The following PLAC1 variants were observed in gnomAD, a reference collection of about 807,000 sequenced individuals.
PLAC1 encodes placenta associated 1, also known as placenta-specific protein 1.
For synonymous variants in PLAC1, 68 were observed against 62.1 expected, an observed-to-expected ratio of 1.09 and a Z score of -0.44; for missense variants, 136 against 163.2, an observed-to-expected ratio of 0.83 and a Z score of 0.91.
intron 1 of PLAC1, among the ~76,000 whole-genome samples, chrX:134,760,509 A>G (rs1484911452): frequency 9.0e-6 from 1 of 111,685 alleles, no homozygotes; most frequent in Non-Finnish European, 1.9e-5. Flanking sequence ...CAGCATTGTT[A>G]GATAATAGCA....
In PLAC1 at chrX:134,763,886, G is replaced by A. The variant is rs778375235; in HGVS notation, n.89+348C>T. Among the ~76,000 whole-genome samples the A allele has an allele frequency of 5.5e-5, 6 of 109,328 alleles. No individual in the cohort carries two copies. The South Asian group carries it at 1.6e-3, about 29-fold the overall frequency. The allele number at this position is 109,328 out of a possible 115,157, so 94.9% of individuals were successfully genotyped here. On this transcript the variant is annotated intron_variant and non_coding_transcript_variant, in intron 1 of 2. Transcript: ENST00000466797. Reference sequence around the variant, plus strand: ...AGAAAAGAAAAGGGAAAGGAAAAGCGCAGAATCCCAAAAAAGAGGAAATCT... The same window carrying A: ...AGAAAAGAAAAGGGAAAGGAAAAGCACAGAATCCCAAAAAAGAGGAAATCT...
intron 1 of PLAC1, among the ~76,000 whole-genome samples, chrX:134,747,876 A>G (rs1446197190): frequency 8.9e-6 from 1 of 111,947 alleles, no homozygotes; most frequent in Non-Finnish European, 1.9e-5. Flanking sequence ...GCCCTGTGAG[A>G]AAGCCAGTTT....
At chrX:134,616,197 G>A (rs989993463) in intron 1 of PLAC1, among the ~76,000 whole-genome samples, 1 of 111,016 alleles carries the variant, frequency 9.0e-6, no homozygotes, top group African/African-American at 3.3e-5. Flanking sequence ...TCTGAGGCTG[G>A]TTTCAAACTT....
chrX:134,711,878 A>G (rs758730390), intron 2 of PLAC1, among the ~76,000 whole-genome samples: 20 of 111,401 alleles, frequency 1.8e-4, no homozygotes, highest in Non-Finnish European at 3.6e-4. Context: ...CTGAGGTCGC[A>G]TCTACACACA....
At chrX:134,679,309 T>C (rs1302429705) in intron 2 of PLAC1, among the ~76,000 whole-genome samples, 1 of 110,647 alleles carries the variant, frequency 9.0e-6, no homozygotes, top group Non-Finnish European at 1.9e-5. Flanking sequence ...GAGTAGGCCG[T>C]GGATATATAA....
rs746077071 is a variant in PLAC1 at position 134,719,492 on chromosome X, T to C, written n.174+13943A>G. Among the ~76,000 whole-genome samples the C allele has an allele frequency of 4.5e-5, 5 of 111,760 alleles. No individual in the cohort carries two copies. In the South Asian group the frequency reaches 1.5e-3, roughly 34 times the overall value. On this transcript the variant is annotated intron_variant and non_coding_transcript_variant, in intron 2 of 2. Coordinates refer to the PLAC1 transcript ENST00000466797. ...ATTCCTTCATGATAAAAGCACTCAGTAGGCCAGGCGAGGTGTAATCCCAGC... is the reference window on the plus strand; with the variant it reads ...ATTCCTTCATGATAAAAGCACTCAGCAGGCCAGGCGAGGTGTAATCCCAGC...
chrX:134,693,422 C>T (rs1249019670), intron 2 of PLAC1, among the ~76,000 whole-genome samples: 1 of 112,246 alleles, frequency 8.9e-6, no homozygotes, highest in Non-Finnish European at 1.9e-5. Context: ...TTTATGCTAC[C>T]AGGCATTAGA....
chrX:134,657,249 C>T (rs1239566142), intron 1 of PLAC1, among the ~76,000 whole-genome samples: 2 of 112,160 alleles, frequency 1.8e-5, no homozygotes, highest in Non-Finnish European at 3.8e-5. Context: ...GGGCTATGTC[C>T]CGATAAAACC....
intron 2 of PLAC1, among the ~76,000 whole-genome samples, chrX:134,729,953 G>A (rs372528827): frequency 9.1e-5 from 10 of 110,202 alleles, no homozygotes; most frequent in East Asian, 8.6e-4. Flanking sequence ...CACCACACCC[G>A]GCTAACTTTG....
intron 1 of PLAC1, among the ~76,000 whole-genome samples, chrX:134,650,180 C>T (rs769653228): frequency 1.7e-4 from 19 of 112,283 alleles, no homozygotes; most frequent in Middle Eastern, 9.2e-3. Flanking sequence ...ACTCAATTTT[C>T]CCTGGGTCTT....
intron 2 of PLAC1, among the ~76,000 whole-genome samples, chrX:134,573,870 A>G (rs1197410740): frequency 1.8e-5 from 2 of 111,419 alleles, no homozygotes; most frequent in African/African-American, 6.5e-5. Context: ...TGTGTATAAC[A>G]TCCTGACTGA....
In PLAC1 at chrX:134,603,430, C is replaced by T. The variant is rs186142713; in HGVS notation, c.-130-1308G>A. On this transcript the variant is annotated intron_variant, in intron 1 of 2. Coordinates refer to ENST00000359237, the MANE Select transcript of PLAC1 (RefSeq NM_021796.4). ...TCCACTCACTGCAAGCTCCACCTCC[C>T]AGGTTCACGCCATTCTCCTGCCTCA... 8.4e-3 allele frequency among the ~76,000 whole-genome samples: 784 copies of T among 93,480 alleles called. 3 individuals are homozygous for T. Among genetic ancestry groups the T allele is most frequent in the African/African-American group, 0.029 (727 of 25,459 alleles). 81.2% of individuals were successfully genotyped at this position (93,480 alleles called of 115,157 possible). A position where few individuals can be genotyped will look rare whatever the true frequency, so the allele number is the denominator to read the frequency against.
At chrX:134,667,313 T>G (rs2078440596) in intron 2 of PLAC1, among the ~76,000 whole-genome samples, 1 of 111,830 alleles carries the variant, frequency 8.9e-6, no homozygotes, top group Non-Finnish European at 1.9e-5. Context: ...TGCAAAACAC[T>G]TAAGACTCCA....
chrX:134,570,368 T>C, intron 2 of PLAC1, among the ~76,000 whole-genome samples: 1 of 111,382 alleles, frequency 9.0e-6, no homozygotes. Context: ...TTAGCCATCA[T>C]GCGGGCCATG....
At chrX:134,582,799 T>C (rs1273701571) in intron 2 of PLAC1, among the ~76,000 whole-genome samples, 1 of 111,204 alleles carries the variant, frequency 9.0e-6, no homozygotes, top group Non-Finnish European at 1.9e-5. Flanking sequence ...GACAGACTTA[T>C]AAGGACAGAA....
intron 2 of PLAC1, among the ~76,000 whole-genome samples, chrX:134,678,492 C>T (rs760917198): frequency 4.5e-4 from 50 of 111,875 alleles, no homozygotes; most frequent in African/African-American, 1.5e-3. Flanking sequence ...TTTCCCTGAG[C>T]GCCCTATCAA....
chrX:134,685,932 T>A (rs1284402979), intron 2 of PLAC1, among the ~76,000 whole-genome samples: 1 of 111,201 alleles, frequency 9.0e-6, no homozygotes, highest in Non-Finnish European at 1.9e-5. Context: ...TGTTCCATCC[T>A]GGCCTGGATT....
At chrX:134,634,719 A>G (rs1169489367) in intron 1 of PLAC1, among the ~76,000 whole-genome samples, 1 of 112,429 alleles carries the variant, frequency 8.9e-6, no homozygotes, top group Non-Finnish European at 1.9e-5. Flanking sequence ...TCATGGTTAA[A>G]TAATATTCCC....
At chrX:134,743,167 G>A (rs1238937215) in intron 1 of PLAC1, among the ~76,000 whole-genome samples, 1 of 111,902 alleles carries the variant, frequency 8.9e-6, no homozygotes, top group Non-Finnish European at 1.9e-5. Context: ...CAATGTTTGT[G>A]AGGCCAGATA....
Sources: allele counts gnomAD v4.1 joint callset (sites outside exome capture counted in the v4.1 genomes callset), GRCh38; gene constraint gnomAD v4.1.1; transcripts MANE v1.5; gene names NCBI Gene and HGNC (gene_info 2026-07-23, HGNC 2026-07-21).